The following ADAMTSL1 variants were observed in gnomAD, a reference collection of about 807,000 sequenced individuals.
ADAMTSL1 encodes ADAMTS-like protein 1.
In ADAMTSL1, 126 loss-of-function variants were observed where a neutral mutation model predicts 201.8. The ratio of observed to expected loss-of-function variants is 0.62; its 90% CI spans 0.54 to 0.72. ADAMTSL1 has a LOEUF of 0.72. Among genes scored for constraint, ADAMTSL1 ranks in the 30% least tolerant of loss-of-function variants. ADAMTSL1 has a pLI of 0.00. For missense variants in ADAMTSL1, 2,679 were observed against 2,277.8 expected (o/e 1.18, Z -3.59); for synonymous variants, 1,121 against 903.4 (o/e 1.24, Z -4.32).
chr9:18,192,331 C>T (rs981735424), intron 2 of ADAMTSL1, among the ~76,000 whole-genome samples: 1 of 152,092 alleles, frequency 6.6e-6, no homozygotes, highest in Non-Finnish European at 1.5e-5. Flanking sequence ...CTGTCCTGGG[C>T]AAAATCTCCT....
intron 4 of ADAMTSL1, among the ~76,000 whole-genome samples, chr9:18,575,182 A>G (rs564386362): frequency 4.8e-4 from 73 of 152,268 alleles, no homozygotes; most frequent in Admixed American, 3.4e-3. Flanking sequence ...TTATTTTTTT[A>G]AAACTTACAT....
At chr9:18,532,312 C>A (rs929938887) in intron 2 of ADAMTSL1, among the ~76,000 whole-genome samples, 2 of 152,010 alleles carry the variant, frequency 1.3e-5, no homozygotes, top group Non-Finnish European at 1.5e-5. Context: ...TTATGAAGAG[C>A]CTTACAAAAG....
chr9:18,662,633 A>G (rs1393797014), intron 9 of ADAMTSL1, among the ~76,000 whole-genome samples: 2 of 152,218 alleles, frequency 1.3e-5, no homozygotes, highest in Non-Finnish European at 2.9e-5. Context: ...TCAGATTCTT[A>G]AAAGGTCTTT....
intron 7 of ADAMTSL1, among the ~76,000 whole-genome samples, chr9:18,645,220 C>T (rs1437415085): frequency 6.6e-6 from 1 of 152,186 alleles, no homozygotes; most frequent in African/African-American, 2.4e-5. Flanking sequence ...CCTTCACCCA[C>T]TTTTTGATGG....
rs182630109 is a variant in ADAMTSL1, at chr9:18,195,238, C to T, written c.207+31257C>T. 6.2e-4 allele frequency among the ~76,000 whole-genome samples: 95 copies of T among 152,238 alleles called. 1 individual carries two copies. The East Asian group carries it at 0.012, about 19-fold the overall frequency. On this transcript the variant is annotated intron_variant, in intron 2 of 29. Transcript: ENST00000680146. ...TTCAATGGAAGTGGTTCTACCCTTG[C>T]GCAGCCTGTGTGTAGTCCTTTCTGT...
intron 15 of ADAMTSL1, among the ~76,000 whole-genome samples, chr9:18,738,018 G>A (rs1359838960): frequency 6.6e-6 from 1 of 152,120 alleles, no homozygotes; most frequent in Non-Finnish European, 1.5e-5. Flanking sequence ...CTACCTCATA[G>A]GGGTTTTGTG....
intron 1 of ADAMTSL1, among the ~76,000 whole-genome samples, chr9:18,032,030 G>A (rs1164893430): frequency 6.6e-6 from 1 of 152,188 alleles, no homozygotes; most frequent in Non-Finnish European, 1.5e-5. Flanking sequence ...TCTCCTTCTA[G>A]TGTCTTCCCT....
intron 2 of ADAMTSL1, among the ~76,000 whole-genome samples, chr9:18,241,972 C>A (rs1158836546): frequency 6.6e-6 from 1 of 152,066 alleles, no homozygotes; most frequent in Non-Finnish European, 1.5e-5. Context: ...TGAAACTCTT[C>A]CAAATTACTC....
intron 1 of ADAMTSL1, among the ~76,000 whole-genome samples, chr9:18,048,027 G>T (rs1821750489): frequency 6.6e-6 from 1 of 152,190 alleles, no homozygotes. Context: ...TTAACTGTCA[G>T]AATTGCCCCA....
chr9:18,397,900 T>C (rs891415174), intron 2 of ADAMTSL1, among the ~76,000 whole-genome samples: 2 of 152,148 alleles, frequency 1.3e-5, no homozygotes, highest in Non-Finnish European at 2.9e-5. Context: ...GGATTCAACT[T>C]GATGTTTTCT....
chr9:18,882,087 C>G (rs192251754), intron 23 of ADAMTSL1, among the ~76,000 whole-genome samples: 31 of 152,300 alleles, frequency 2.0e-4, no homozygotes, highest in Admixed American at 1.6e-3. Flanking sequence ...AGGTTTCTAG[C>G]TCCCAGATAA....
At chr9:18,627,319 TG>T (rs1435404115) in intron 5 of ADAMTSL1, among the ~76,000 whole-genome samples, 1 of 152,204 alleles carries the variant, frequency 6.6e-6, no homozygotes, top group African/African-American at 2.4e-5. Flanking sequence ...CAGTGAGTAG[TG>T]GTATTTCATA....
rs142490222 is a variant in ADAMTSL1, at chr9:18,724,938, G to A, written c.2006+3273G>A. ...TTTTTTTCTTTTGAGACAGAGTCTCGCTCTGTTGCCCAGGCTGTAGTGCAG... is the reference window on the plus strand; with the variant it reads ...TTTTTTTCTTTTGAGACAGAGTCTCACTCTGTTGCCCAGGCTGTAGTGCAG... On this transcript the variant is annotated intron_variant, in intron 15 of 28. Transcript: ENST00000380548. 8.4e-3 allele frequency among the ~76,000 whole-genome samples: 1,262 copies of A among 149,424 alleles called. 28 individuals are homozygous for A. Among genetic ancestry groups the A allele is most frequent in the African/African-American group, 0.029 (1,177 of 40,638 alleles).
At chr9:18,168,076 A>G (rs1827714776) in intron 2 of ADAMTSL1, among the ~76,000 whole-genome samples, 1 of 152,010 alleles carries the variant, frequency 6.6e-6, no homozygotes, top group Admixed American at 6.6e-5. Context: ...GTAACTTCAT[A>G]AAGCTTTATT....
intron 20 of ADAMTSL1, among the ~76,000 whole-genome samples, chr9:18,813,134 T>C (rs1823614863): frequency 6.6e-6 from 1 of 151,868 alleles, no homozygotes; most frequent in South Asian, 2.1e-4. Flanking sequence ...GCCCAGCTAA[T>C]TTTTGTATTT....
At chr9:18,677,892 T>C (rs1017826523) in intron 10 of ADAMTSL1, among the ~76,000 whole-genome samples, 2 of 152,012 alleles carry the variant, frequency 1.3e-5, no homozygotes, top group Non-Finnish European at 2.9e-5. Context: ...TCTTAGTAAA[T>C]GGAAACTATT....
At chr9:18,369,739 A>T (rs950942200) in intron 2 of ADAMTSL1, among the ~76,000 whole-genome samples, 1 of 152,206 alleles carries the variant, frequency 6.6e-6, no homozygotes, top group Non-Finnish European at 1.5e-5. Flanking sequence ...AGAGTCATGG[A>T]ATCAACCTAA....
chr9:18,545,209 A>C (rs900201871), intron 3 of ADAMTSL1, among the ~76,000 whole-genome samples: 1 of 152,178 alleles, frequency 6.6e-6, no homozygotes, highest in Non-Finnish European at 1.5e-5. Flanking sequence ...TTCAATTCTC[A>C]CCACTACCTT....
chr9:18,218,823 C>T (rs901295638), intron 2 of ADAMTSL1, among the ~76,000 whole-genome samples: 2 of 151,806 alleles, frequency 1.3e-5, no homozygotes, highest in Non-Finnish European at 2.9e-5. Context: ...GTGTAAAAAC[C>T]TCTTCTCTGT....
Sources: gnomAD v4.1 joint callset for allele counts (sites outside exome capture counted in the v4.1 genomes callset) on GRCh38, gnomAD v4.1.1 for gene constraint, MANE v1.5 for transcripts, NCBI Gene and HGNC (gene_info 2026-07-23, HGNC 2026-07-21) for gene names.